The following PRDM8 variants were observed in gnomAD, a reference collection of about 807,000 sequenced individuals.
PRDM8 encodes PR domain zinc finger protein 8.
Under a neutral mutation model 46.5 loss-of-function variants are expected in PRDM8, and 13 were observed. The ratio of observed to expected loss-of-function variants is 0.28; its 90% CI spans 0.18 to 0.44. The LOEUF (loss-of-function observed/expected upper bound fraction) is 0.44, where lower values mean the gene tolerates loss of function less well. PRDM8 is among the 20% of genes least tolerant of loss of function. The probability of loss-of-function intolerance (pLI) is 1.00; values close to 1 mark genes in which losing one functional copy is unlikely to be tolerated. For missense variants in PRDM8, 998 were observed against 955.0 expected (o/e 1.04, Z -0.59); for synonymous variants, 473 against 438.4 (o/e 1.08, Z -0.98).
At position 80,203,613 on chromosome 4, in the gene PRDM8, C is replaced by T. The variant is rs2109880984; in HGVS notation, c.*81C>T. 2.7e-6 allele frequency: 4 copies of T among 1,483,078 alleles called. No individual in the cohort carries two copies. The highest frequency in any genetic ancestry group is 2.7e-6 in the Non-Finnish European group (3 of 1,114,332). The allele number at this position is 1,483,078 out of a possible 1,614,324, so 91.9% of individuals were successfully genotyped here. On this transcript the variant is annotated 3_prime_UTR_variant, in exon 4 of 4. Coordinates refer to ENST00000415738, the MANE Select transcript of PRDM8 (RefSeq NM_001099403.2). ...GGAATAAACACGCGAGAACATCCACCGCTTCCTTGCACCCCGAAACCCTGC... is the reference window on the plus strand; with the variant it reads ...GGAATAAACACGCGAGAACATCCACTGCTTCCTTGCACCCCGAAACCCTGC...
intron 1 of PRDM8, among the ~76,000 whole-genome samples, chr4:80,199,709 A>ATATGTGTGTGTGTGTGTGTGTG (rs370819149): frequency 1.5e-5 from 2 of 132,970 alleles, no homozygotes; most frequent in African/African-American, 5.8e-5. Context: ...ATATATATAT[A>ATATGTGTGTGTGTGTGTGTGTG]TGTGTGTGTG....
chr4:80,188,678 C>T (rs879894520), intron 1 of PRDM8, among the ~76,000 whole-genome samples: 12 of 152,212 alleles, frequency 7.9e-5, no homozygotes, highest in Non-Finnish European at 1.2e-4. Context: ...CACAACTGAC[C>T]GCTATTACCT....
chr4:80,203,079 C>T lies in PRDM8; in HGVS notation c.1617C>T (p.Pro539=). The T allele has an allele frequency of 6.4e-7, 1 of 1,568,426 alleles. No individual in the cohort carries two copies. The highest frequency in any genetic ancestry group is 8.6e-7 in the Non-Finnish European group (1 of 1,166,348). The change falls in exon 4 of 4, where the codon CCC becomes CCT. Residue 539 remains proline, a synonymous_variant. Transcript: ENST00000415738. ...GCGTGGGCCCCACCAGACTCTATCCCGCCGCCGCGGACCCTCTAGCGGTGA... is the reference window on the plus strand; with the variant it reads ...GCGTGGGCCCCACCAGACTCTATCCTGCCGCCGCGGACCCTCTAGCGGTGA... ...ADGVGPTRLY[P]AAADPLAVKL... is the part of the protein sequence containing the mutation.
chr4:80,194,364 C>A, upstream of PRDM8: 1 of 341,140 alleles, frequency 2.9e-6, no homozygotes. Context: ...AAACTATTGA[C>A]TAGGTACACT....
In PRDM8 at chr4:80,202,824, T is replaced by G. The variant is rs1210519453; in HGVS notation, c.1362T>G (p.Pro454=). 1 of 1,228,250 alleles carries G rather than the reference T, an allele frequency of 8.1e-7. No homozygotes were observed. Among genetic ancestry groups the G allele is most frequent in the Admixed American group, 4.4e-5 (1 of 22,820 alleles). The allele number at this position is 1,228,250 out of a possible 1,614,324, so 76.1% of individuals were successfully genotyped here. A position where few individuals can be genotyped will look rare whatever the true frequency, so the allele number is the denominator to read the frequency against. The change falls in exon 4 of 4, where the codon CCT becomes CCG. Residue 454 remains proline, a synonymous_variant. Coordinates refer to ENST00000415738, the MANE Select transcript of PRDM8 (RefSeq NM_001099403.2). ...PLPSRLEGGS[P]ARGSAFTSVP... Reference sequence around the variant, plus strand: ...CCAGCCGGCTCGAGGGCGGCAGTCCTGCGAGGGGCAGCGCCTTCACTTCGG... The same window carrying G: ...CCAGCCGGCTCGAGGGCGGCAGTCCGGCGAGGGGCAGCGCCTTCACTTCGG...
At chr4:80,199,762 G>T (rs1738293373) in intron 1 of PRDM8, among the ~76,000 whole-genome samples, 1 of 117,700 alleles carries the variant, frequency 8.5e-6, no homozygotes, top group Non-Finnish European at 1.9e-5. Flanking sequence ...ATTCTGCCTG[G>T]AACTTCACCT....
chr4:80,198,403 G>A (rs972034315), intron 1 of PRDM8, among the ~76,000 whole-genome samples: 6 of 152,186 alleles, frequency 3.9e-5, no homozygotes, highest in South Asian at 2.1e-4. Context: ...CTGAATTGAA[G>A]GAAATTGAAA....
chr4:80,189,513 C>A (rs980387512), intron 1 of PRDM8, among the ~76,000 whole-genome samples: 3 of 152,174 alleles, frequency 2.0e-5, no homozygotes, highest in Non-Finnish European at 4.4e-5. Context: ...TTCGGGAAAT[C>A]CTCAGCCCTC....
chr4:80,195,922 C>CAGAGAG (rs1226463639), upstream of PRDM8: 1 of 180,566 alleles, frequency 5.5e-6, no homozygotes, highest in Admixed American at 9.8e-5. Context: ...CACACACACA[C>CAGAGAG]ACACACAGAG....
chr4:80,199,561 C>A (rs1012707108), intron 1 of PRDM8, among the ~76,000 whole-genome samples: 1 of 152,022 alleles, frequency 6.6e-6, no homozygotes, highest in Non-Finnish European at 1.5e-5. Flanking sequence ...CTGTTCCCCT[C>A]CTTGGAAGAA....
Position 80,202,805 on chromosome 4 carries a change from G to A in PRDM8, c.1343G>A (p.Arg448Gln), listed in dbSNP as rs983217484. The A allele has an allele frequency of 4.7e-5, 58 of 1,227,170 alleles. No individual in the cohort carries two copies. In the Middle Eastern group the frequency reaches 1.3e-3, roughly 27 times the overall value. The allele number at this position is 1,227,170 out of a possible 1,614,324, so 76.0% of individuals were successfully genotyped here. Reference sequence around the variant, plus strand: ...CGGCCTGGGGGCCCGCTGCCCAGCCGGCTCGAGGGCGGCAGTCCTGCGAGG... The same window carrying A: ...CGGCCTGGGGGCCCGCTGCCCAGCCAGCTCGAGGGCGGCAGTCCTGCGAGG... ...APRPGGPLPS[R>Q]LEGGSPARGS... is the part of the protein sequence containing the mutation. The change falls in exon 4 of 4, where the codon CGG becomes CAG. Residue 448 changes from arginine (R) to glutamine (Q), a missense_variant. Coordinates refer to ENST00000415738, the MANE Select transcript of PRDM8 (RefSeq NM_001099403.2).
At position 80,200,562 on chromosome 4, in the gene PRDM8, G is replaced by A. The variant is rs78448063; in HGVS notation, c.219+263G>A. 8.1e-3 allele frequency among the ~76,000 whole-genome samples: 1,231 copies of A among 152,304 alleles called. 20 individuals carry two copies. Among genetic ancestry groups the A allele is most frequent in the African/African-American group, 0.028 (1,155 of 41,556 alleles). On this transcript the variant is annotated intron_variant, in intron 2 of 3. Transcript: ENST00000415738. ...AGTGCTTCAGTTCTGGATTATCCTGGTGATGAACACGACTTCCTAAACTCT... is the reference window on the plus strand; with the variant it reads ...AGTGCTTCAGTTCTGGATTATCCTGATGATGAACACGACTTCCTAAACTCT...
At chr4:80,198,257 G>A (rs994383923) in intron 1 of PRDM8, among the ~76,000 whole-genome samples, 2 of 152,226 alleles carry the variant, frequency 1.3e-5, no homozygotes, top group Non-Finnish European at 2.9e-5. Context: ...CCTTTTTGCC[G>A]TATTGTTAGG....
chr4:80,198,843 A>C (rs1420768915), intron 1 of PRDM8, among the ~76,000 whole-genome samples: 1 of 152,174 alleles, frequency 6.6e-6, no homozygotes, highest in Admixed American at 6.5e-5. Context: ...ATTATATAAA[A>C]CATACATAAA....
At chr4:80,194,131 G>C, upstream of PRDM8, 1 of 801,778 alleles carries the variant, frequency 1.2e-6, no homozygotes, top group Non-Finnish European at 1.5e-6. Flanking sequence ...AGCCACCTGG[G>C]GTGTCATTTA....
upstream of PRDM8, chr4:80,196,857 G>A (rs1180311959): frequency 1.0e-6 from 1 of 960,872 alleles, no homozygotes; most frequent in Non-Finnish European, 1.2e-6. Context: ...GTACCGTTAT[G>A]TCCCCTTCCG....
At position 80,202,127 on chromosome 4, in the gene PRDM8, G is replaced by T. The variant is rs545442855; in HGVS notation, c.665G>T (p.Gly222Val). 1.9e-6 allele frequency: 3 copies of T among 1,611,290 alleles called. No homozygotes were observed. The highest frequency in any genetic ancestry group is 2.5e-6 in the Non-Finnish European group (3 of 1,179,234). ...CAGCAGCAGCAGGAGGCACCTTTAG[G>T]CCCGGGTCCCAAGTTTTGCAAAGCC... is the stretch of plus-strand genomic sequence containing the variant. Reference protein sequence around the residue: ...QQQQQQEAPLGPGPKFCKAGP... With the variant: ...QQQQQQEAPLVPGPKFCKAGP... Residue 222 changes from glycine to valine, a missense_variant, in exon 4 of 4, where the codon GGC becomes GTC. By Grantham distance (109) the Gly-to-Val change is moderately radical. Transcript: ENST00000415738.
chr4:80,201,802 G>A (rs957111997), intron 3 of PRDM8, 112 bp from the exon 4 acceptor site: 1 of 1,476,878 alleles, frequency 6.8e-7, no homozygotes, highest in African/African-American at 1.4e-5. Context: ...AGGTGGATTT[G>A]TCAAGGGGAT....
At position 80,200,080 on chromosome 4, in the gene PRDM8, G is replaced by C; in HGVS notation, c.-1G>C. 1 of 1,610,792 alleles carries C rather than the reference G, an allele frequency of 6.2e-7. No homozygotes were observed. Among genetic ancestry groups the C allele is most frequent in the Non-Finnish European group, 8.5e-7 (1 of 1,177,222 alleles). ...CTTGTGCTGTGTGTCTATCTCCAGTGATGGAGGATACTGGCATCCAGCGAG... is the reference window on the plus strand; with the variant it reads ...CTTGTGCTGTGTGTCTATCTCCAGTCATGGAGGATACTGGCATCCAGCGAG... On this transcript the variant is annotated splice_region_variant and 5_prime_UTR_variant, in exon 2 of 4. Transcript: ENST00000415738.
Sources: gnomAD v4.1 joint callset for allele counts (sites outside exome capture counted in the v4.1 genomes callset) on GRCh38, gnomAD v4.1.1 for gene constraint, MANE v1.5 for transcripts, NCBI Gene and HGNC (gene_info 2026-07-23, HGNC 2026-07-21) for gene names.